HIP1: variants seen among roughly 807,000 people sequenced by gnomAD.
HIP1 encodes the protein huntingtin interacting protein 1, also known as huntingtin-interacting protein 1.
In HIP1, 65 loss-of-function variants were observed where a neutral mutation model predicts 147.6. That is an observed-to-expected ratio of 0.44 (90% CI 0.36 to 0.54). HIP1 has a LOEUF of 0.54. Ranked by LOEUF, HIP1 falls within the 20% of genes least tolerant of loss-of-function variation. HIP1 has a pLI of 0.00. For missense variants in HIP1, 1,061 were observed against 1,299.6 expected (o/e 0.82, Z 2.82); for synonymous variants, 479 against 504.0 (o/e 0.95, Z 0.67).
chr7:75,579,540 C>CG lies in HIP1; in HGVS notation c.604+1696_604+1697insC, dbSNP rs1292787123. On this transcript the variant is annotated intron_variant, in intron 7 of 30. Coordinates refer to ENST00000336926, the MANE Select transcript of HIP1 (RefSeq NM_005338.7). ...CTCCTGACTTCAGGTGATCCGCCCC[C>CG]CTTGGCCTTCCAAAGTGCTAGGATT... Among the ~76,000 whole-genome samples the CG allele has an allele frequency of 1.2e-3, 182 of 152,232 alleles. 2 individuals carry two copies. Among genetic ancestry groups the CG allele is most frequent in the African/African-American group, 4.0e-3 (168 of 41,546 alleles).
intron 1 of HIP1, among the ~76,000 whole-genome samples, chr7:75,614,813 A>C (rs587713378): frequency 1.3e-5 from 2 of 151,884 alleles, no homozygotes; most frequent in Non-Finnish European, 2.9e-5. Flanking sequence ...TCACTCTGTC[A>C]CCCAGGCTGG....
intron 1 of HIP1, among the ~76,000 whole-genome samples, chr7:75,648,317 T>C (rs1216335524): frequency 1.3e-5 from 2 of 151,844 alleles, no homozygotes; most frequent in Non-Finnish European, 2.9e-5. Context: ...CTGATTGGAG[T>C]AGCTGGGGCT....
Position 75,575,185 on chromosome 7 carries a change from G to A in HIP1, c.605-1284C>T, listed in dbSNP as rs147465751. On this transcript the variant is annotated intron_variant, in intron 7 of 30. Coordinates refer to ENST00000336926, the MANE Select transcript of HIP1 (RefSeq NM_005338.7). Reference sequence around the variant, plus strand: ...AAATAAATAAAACAAAACAAGCCAGGCACAGTGGCTCATGCCTGTAATCCC... The same window carrying A: ...AAATAAATAAAACAAAACAAGCCAGACACAGTGGCTCATGCCTGTAATCCC... 4.6e-3 allele frequency among the ~76,000 whole-genome samples: 689 copies of A among 151,068 alleles called. 10 individuals are homozygous for A. Among genetic ancestry groups the A allele is most frequent in the African/African-American group, 0.016 (658 of 41,130 alleles).
chr7:75,599,101 G>T, intron 2 of HIP1, 83 bp downstream of exon 2: 2 of 1,046,710 alleles, frequency 1.9e-6, no homozygotes, highest in Non-Finnish European at 3.0e-6. Context: ...CTGGAGCTGA[G>T]CAAGGCAGCC....
At position 75,689,196 on chromosome 7, in the gene HIP1, A is replaced by T. The variant is rs116477081; in HGVS notation, c.120+49605T>A. Reference sequence around the variant, plus strand: ...GAGACCCTATCTTTATTATAAAATTAAAAAAATTTAAAATATATTTAAAAA... The same window carrying T: ...GAGACCCTATCTTTATTATAAAATTTAAAAAATTTAAAATATATTTAAAAA... On this transcript the variant is annotated intron_variant, in intron 1 of 30. Transcript: ENST00000336926. Among the ~76,000 whole-genome samples, 344 of 152,086 alleles carry T rather than the reference A, an allele frequency of 2.3e-3. 2 individuals carry two copies. Among genetic ancestry groups the T allele is most frequent in the African/African-American group, 7.7e-3 (321 of 41,490 alleles).
intron 1 of HIP1, among the ~76,000 whole-genome samples, chr7:75,641,794 C>A (rs1554510544): frequency 6.6e-6 from 1 of 152,158 alleles, no homozygotes; most frequent in East Asian, 1.9e-4. Context: ...TCTACATTCA[C>A]AATCTGTTCT....
intron 1 of HIP1, among the ~76,000 whole-genome samples, chr7:75,683,419 CA>C (rs1230817366): frequency 2.0e-4 from 29 of 148,112 alleles, no homozygotes; most frequent in African/African-American, 7.0e-4. Flanking sequence ...GCAAGAGAAG[CA>C]AAGGCATTTA....
At chr7:75,700,242 A>T (rs1021931899) in intron 1 of HIP1, among the ~76,000 whole-genome samples, 3 of 152,142 alleles carry the variant, frequency 2.0e-5, no homozygotes, top group Non-Finnish European at 4.4e-5. Context: ...TACTGTGGTT[A>T]TGAAAGTGAC....
rs1439084196 is a variant in HIP1 at position 75,637,992 on chromosome 7, CCA to C, written c.121-38747_121-38746del. On this transcript the variant is annotated intron_variant, in intron 1 of 30. Transcript: ENST00000336926. ...GCAGACCCAGACCCCCCCCCCCCCC[CCA>C]CACACACACATACACACACACACAC... Among the ~76,000 whole-genome samples, 44 of 48,604 alleles carry C rather than the reference CCA, an allele frequency of 9.1e-4. 2 individuals carry two copies. The highest frequency in any genetic ancestry group is 1.3e-3 in the Non-Finnish European group (32 of 23,898). The allele number at this position is 48,604 out of a possible 152,430, so 31.9% of individuals were successfully genotyped here. A position where few individuals can be genotyped will look rare whatever the true frequency, so the allele number is the denominator to read the frequency against.
At chr7:75,583,408 C>T (rs1003255206) in intron 5 of HIP1, among the ~76,000 whole-genome samples, 2 of 152,118 alleles carry the variant, frequency 1.3e-5, no homozygotes, top group African/African-American at 4.8e-5. Flanking sequence ...TCAGTCAGCT[C>T]GGGCAGTTAT....
chr7:75,719,396 C>G (rs1801430324), intron 1 of HIP1, among the ~76,000 whole-genome samples: 1 of 151,460 alleles, frequency 6.6e-6, no homozygotes, highest in African/African-American at 2.4e-5. Context: ...CCCAGCTACT[C>G]AGGAGGCTGA....
intron 1 of HIP1, among the ~76,000 whole-genome samples, chr7:75,616,063 G>T (rs1244327705): frequency 9.2e-6 from 1 of 108,922 alleles, no homozygotes; most frequent in Non-Finnish European, 1.8e-5. Context: ...TCCAGCCTGG[G>T]CGACAGAGTA....
intron 1 of HIP1, chr7:75,654,526 G>C (rs549207286): frequency 1.3e-5 from 2 of 152,340 alleles, no homozygotes; most frequent in Non-Finnish European, 2.9e-5. Flanking sequence ...AGTTCATTTG[G>C]CCATCCATCC....
Position 75,626,886 on chromosome 7 carries a change from AACACACACACACACACAC to A in HIP1, c.121-27657_121-27640del, listed in dbSNP as rs10667159. On this transcript the variant is annotated intron_variant, in intron 1 of 30. Coordinates refer to ENST00000336926, the MANE Select transcript of HIP1 (RefSeq NM_005338.7). ...AGGTTCAACCTAGTGCATGCACACA[AACACACACACACACACAC>A]ACACACACAGAAAAGTCTGTAAGAA... 1.3e-4 allele frequency: 20 copies of A among 149,814 alleles called. 1 individual carries two copies. The highest frequency in any genetic ancestry group is 2.4e-4 in the Non-Finnish European group (16 of 67,382). The allele number at this position is 149,814 out of a possible 1,614,324, so 9.3% of individuals were successfully genotyped here.
At chr7:75,667,186 A>G (rs537253206) in intron 1 of HIP1, among the ~76,000 whole-genome samples, 3 of 152,278 alleles carry the variant, frequency 2.0e-5, no homozygotes, top group Admixed American at 2.0e-4. Context: ...AGAATCAAAG[A>G]CATTCTATAA....
intron 1 of HIP1, among the ~76,000 whole-genome samples, chr7:75,727,914 C>T (rs563532764): frequency 6.6e-6 from 1 of 151,752 alleles, no homozygotes; most frequent in South Asian, 2.1e-4. Flanking sequence ...ATATCTAAGC[C>T]ACTGACCCGG....
intron 1 of HIP1, among the ~76,000 whole-genome samples, chr7:75,636,502 GC>G (rs1231528045): frequency 6.6e-6 from 1 of 152,174 alleles, no homozygotes; most frequent in East Asian, 1.9e-4. Flanking sequence ...GCAGCCAAAG[GC>G]CCCCAGAGCG....
intron 1 of HIP1, among the ~76,000 whole-genome samples, chr7:75,705,677 CCATAATATTCCGTTGTATAAATAACCA>C (rs1386095915): frequency 1.3e-5 from 2 of 152,000 alleles, no homozygotes; most frequent in African/African-American, 4.8e-5. Context: ...TTTTAAGACT[CCATAATATTCCGTTGTATAAATAACCA>C]CATTTTGCTT....
intron 1 of HIP1, among the ~76,000 whole-genome samples, chr7:75,630,673 G>A (rs1318753362): frequency 6.6e-6 from 1 of 151,954 alleles, no homozygotes; most frequent in Non-Finnish European, 1.5e-5. Flanking sequence ...TTTTCTTAAT[G>A]ATACCCTTCC....
Sources: allele counts gnomAD v4.1 joint callset (sites outside exome capture counted in the v4.1 genomes callset), GRCh38; gene constraint gnomAD v4.1.1; transcripts MANE v1.5; gene names NCBI Gene and HGNC (gene_info 2026-07-23, HGNC 2026-07-21).